HIVEP2: variants seen among roughly 807,000 people sequenced by gnomAD.
HIVEP2 encodes HIVEP zinc finger 2, also known as transcription factor HIVEP2.
A neutral mutation model predicts 180.7 loss-of-function variants in HIVEP2; 14 were observed. That is an observed-to-expected ratio of 0.08 (90% CI 0.05 to 0.12). The LOEUF is 0.12. HIVEP2 is among the 10% of genes least tolerant of loss of function. HIVEP2 has a pLI of 1.00. For synonymous variants in HIVEP2, 1,184 were observed against 1,136.4 expected, an observed-to-expected ratio of 1.04 and a Z score of -0.84; for missense variants, 2,579 against 3,008.5, an observed-to-expected ratio of 0.86 and a Z score of 3.34.
At chr6:142,848,716 C>G (rs1775576923) in intron 1 of HIVEP2, among the ~76,000 whole-genome samples, 1 of 135,346 alleles carries the variant, frequency 7.4e-6, no homozygotes, top group Non-Finnish European at 1.7e-5. Context: ...GATCCAAACA[C>G]TGTCTCAAAA....
chr6:142,836,670 CA>C (rs1775230393), intron 2 of HIVEP2, among the ~76,000 whole-genome samples: 1 of 152,046 alleles, frequency 6.6e-6, no homozygotes, highest in Non-Finnish European at 1.5e-5. Flanking sequence ...AGCAAATCAT[CA>C]TTAATACATC....
chr6:142,760,567 A>G lies in HIVEP2; in HGVS notation c.5721T>C (p.Asp1907=). 1.2e-6 allele frequency: 2 copies of G among 1,612,968 alleles called. No homozygotes were observed. The highest frequency in any genetic ancestry group is 1.7e-6 in the Non-Finnish European group (2 of 1,178,998). The part of the protein sequence containing the change: ...FSDAEESDGE[D]GDDNDDDDED... Reference sequence around the variant, plus strand: ...CATCATCATCATCATTATCATCTCCATCCTCACCATCTGATTCCTCAGCAT... The same window carrying G: ...CATCATCATCATCATTATCATCTCCGTCCTCACCATCTGATTCCTCAGCAT... Residue 1907 remains aspartate, a synonymous_variant, in exon 9 of 10, where the codon GAT becomes GAC. Coordinates refer to ENST00000367603, the MANE Select transcript of HIVEP2 (RefSeq NM_006734.4).
Position 142,774,110 on chromosome 6 carries a change from G to A in HIVEP2, c.629C>T (p.Ser210Phe). ...TGGATATGGCCGCTCCCCAGTATGGGACCTGATGTGTTTTTTCAGTACACT... is the reference window on the plus strand; with the variant it reads ...TGGATATGGCCGCTCCCCAGTATGGAACCTGATGTGTTTTTTCAGTACACT... ...KPSVLKKHIR[S>F]HTGERPYPCI... Residue 210 changes from serine to phenylalanine, a missense_variant, in exon 5 of 10, where the codon TCC becomes TTC. Transcript: ENST00000367603. The surrounding 1 kb of genome is among the most constrained non-coding windows in gnomAD (Gnocchi z 5.1). 1 of 1,614,166 alleles carries A rather than the reference G, an allele frequency of 6.2e-7. No individual in the cohort carries two copies. Among genetic ancestry groups the A allele is most frequent in the Non-Finnish European group, 8.5e-7 (1 of 1,180,038 alleles).
In HIVEP2 at chr6:142,923,736, C is replaced by A. The variant is rs1337076252; in HGVS notation, c.-641+21363G>T. On this transcript the variant is annotated intron_variant, in intron 1 of 9. Transcript: ENST00000367603. ...TGGAGCCCTGTACAAATGCACAGGT[C>A]ACATGCCCACAAAGCCAGCCCTGTG... Among the ~76,000 whole-genome samples the A allele has an allele frequency of 2.0e-5, 3 of 152,144 alleles. No individual in the cohort carries two copies. In the East Asian group the frequency reaches 5.8e-4, roughly 29 times the overall value.
intron 1 of HIVEP2, among the ~76,000 whole-genome samples, chr6:142,860,251 T>A (rs965605895): frequency 6.6e-6 from 1 of 152,196 alleles, no homozygotes; most frequent in African/African-American, 2.4e-5. Context: ...GAACTCCTGA[T>A]GAAAGGAAAA....
At chr6:142,808,175 A>G (rs1416861159) in intron 2 of HIVEP2, among the ~76,000 whole-genome samples, 1 of 152,228 alleles carries the variant, frequency 6.6e-6, no homozygotes, top group African/African-American at 2.4e-5. Context: ...TGCTCAGGCC[A>G]TGAGCTTGGC....
chr6:142,889,485 A>T (rs1030111120), intron 1 of HIVEP2, among the ~76,000 whole-genome samples: 3 of 152,020 alleles, frequency 2.0e-5, no homozygotes, highest in Admixed American at 1.3e-4. Context: ...AAACAAATAA[A>T]CAAAACTCCT....
chr6:142,818,374 C>T (rs1776898540), intron 2 of HIVEP2, among the ~76,000 whole-genome samples: 1 of 152,134 alleles, frequency 6.6e-6, no homozygotes, highest in Non-Finnish European at 1.5e-5. Context: ...AAGTTTCTAT[C>T]TGCCCATACA....
intron 1 of HIVEP2, among the ~76,000 whole-genome samples, chr6:142,890,751 G>T (rs1776837203): frequency 6.6e-6 from 1 of 152,144 alleles, no homozygotes; most frequent in Admixed American, 6.5e-5. Flanking sequence ...TAGTGTAACT[G>T]AGAAAGTAAT....
chr6:142,831,575 C>A (rs1775082236), intron 2 of HIVEP2, among the ~76,000 whole-genome samples: 1 of 152,186 alleles, frequency 6.6e-6, no homozygotes, highest in Non-Finnish European at 1.5e-5. Flanking sequence ...ACAGGAATCC[C>A]TCATAGTCAG....
At chr6:142,921,824 T>C (rs920867627) in intron 1 of HIVEP2, among the ~76,000 whole-genome samples, 6 of 152,244 alleles carry the variant, frequency 3.9e-5, no homozygotes, top group African/African-American at 1.4e-4. Flanking sequence ...TGGGATCTAA[T>C]TTAAATGCCT....
chr6:142,908,435 A>C (rs781101188), intron 1 of HIVEP2, among the ~76,000 whole-genome samples: 2 of 152,320 alleles, frequency 1.3e-5, no homozygotes, highest in Non-Finnish European at 2.9e-5. Flanking sequence ...CTTTTCCAGT[A>C]AAATGAGTTA....
At chr6:142,763,296 C>G (rs1219627884) in intron 7 of HIVEP2, among the ~76,000 whole-genome samples, 1 of 151,970 alleles carries the variant, frequency 6.6e-6, no homozygotes. Flanking sequence ...GTGGCACAGA[C>G]AAGGAGAAGG....
At chr6:142,780,372 G>C (rs1775825586) in intron 3 of HIVEP2, among the ~76,000 whole-genome samples, 1 of 152,152 alleles carries the variant, frequency 6.6e-6, no homozygotes, top group African/African-American at 2.4e-5. Context: ...GCTTATTAGG[G>C]AACTAGAAAT....
chr6:142,893,266 G>A (rs1486019099), intron 1 of HIVEP2, among the ~76,000 whole-genome samples: 1 of 152,200 alleles, frequency 6.6e-6, no homozygotes, highest in Non-Finnish European at 1.5e-5. Flanking sequence ...TGTTTAGAGA[G>A]TAAATGAGGT....
intron 1 of HIVEP2, among the ~76,000 whole-genome samples, chr6:142,927,688 C>T (rs889355514): frequency 1.3e-5 from 2 of 152,106 alleles, no homozygotes; most frequent in African/African-American, 4.8e-5. Flanking sequence ...CCAACAAAAC[C>T]TTTAGCCAGA....
chr6:142,818,728 GAAAGA>G (rs1477563299), intron 2 of HIVEP2, among the ~76,000 whole-genome samples: 72 of 51,208 alleles, frequency 1.4e-3, no homozygotes, highest in African/African-American at 3.3e-3. Context: ...AGAAAAGAAA[GAAAGA>G]AAAGAAAGAA....
chr6:142,862,946 T>C (rs13212496), intron 1 of HIVEP2, among the ~76,000 whole-genome samples: 34,550 of 134,666 alleles, frequency 0.26, 4,857 homozygotes, highest in East Asian at 0.35. Flanking sequence ...TTACATATAA[T>C]ATAATATATA....
At chr6:142,810,202 A>G (rs1776656525) in intron 2 of HIVEP2, among the ~76,000 whole-genome samples, 1 of 152,246 alleles carries the variant, frequency 6.6e-6, no homozygotes, top group African/African-American at 2.4e-5. Flanking sequence ...TTGTTGCTCA[A>G]TAATGATAGC....
Sources: allele counts gnomAD v4.1 joint callset (sites outside exome capture counted in the v4.1 genomes callset), GRCh38; gene constraint gnomAD v4.1.1; non-coding constraint Gnocchi (gnomAD v3.1); transcripts MANE v1.5; gene names NCBI Gene and HGNC (gene_info 2026-07-23, HGNC 2026-07-21).